Variants in PKNOX2 observed in about 807,000 individuals in gnomAD.
PKNOX2 encodes homeobox protein PKNOX2.
PKNOX2 carries 14 observed loss-of-function variants against 53.1 expected under a neutral mutation model. That is an observed-to-expected ratio of 0.26 (90% CI 0.17 to 0.41). The LOEUF is 0.41. Among genes scored for constraint, PKNOX2 ranks in the 10% least tolerant of loss-of-function variants. The pLI, the probability that PKNOX2 is intolerant of heterozygous loss-of-function variation, is 1.00. For synonymous variants in PKNOX2, 257 were observed against 242.8 expected (o/e 1.06, Z -0.54); for missense variants, 496 against 602.8 (o/e 0.82, Z 1.85).
At chr11:125,197,178 G>C (rs1268130068) in intron 1 of PKNOX2, among the ~76,000 whole-genome samples, 1 of 152,208 alleles carries the variant, frequency 6.6e-6, no homozygotes, top group Non-Finnish European at 1.5e-5. Context: ...TTGGTGTTTG[G>C]AGTAGTTGAG....
chr11:125,400,681 G>A (rs1954692276), intron 7 of PKNOX2, among the ~76,000 whole-genome samples: 1 of 152,126 alleles, frequency 6.6e-6, no homozygotes, highest in Non-Finnish European at 1.5e-5. Context: ...TAGGAACAAG[G>A]CTGCTCACCC....
intron 5 of PKNOX2, 128 bp from the exon 6 acceptor site, chr11:125,385,423 T>A: frequency 9.7e-7 from 1 of 1,034,466 alleles, no homozygotes; most frequent in East Asian, 2.7e-5. Context: ...GGACTGGGGA[T>A]GTTATCAAGG....
chr11:125,407,810 C>T (rs565308196), intron 7 of PKNOX2, among the ~76,000 whole-genome samples: 2 of 152,038 alleles, frequency 1.3e-5, no homozygotes, highest in South Asian at 2.1e-4. Flanking sequence ...AATATCAGCA[C>T]GGTTTACACA....
chr11:125,308,523 G>A lies in PKNOX2; in HGVS notation c.-129-23296G>A, dbSNP rs150260042. On this transcript the variant is annotated intron_variant, in intron 2 of 12. Transcript: ENST00000298282. ...TGATCTCTCCCAAGAGCAGCTCCCC[G>A]GAATGCAGGGCCAGATTTATTACAC... 8.9e-3 allele frequency among the ~76,000 whole-genome samples: 1,362 copies of A among 152,280 alleles called. 16 individuals are homozygous for A. Among genetic ancestry groups the A allele is most frequent in the South Asian group, 0.028 (133 of 4,818 alleles).
chr11:125,325,638 C>A (rs1484224979), intron 2 of PKNOX2, among the ~76,000 whole-genome samples: 2 of 152,182 alleles, frequency 1.3e-5, no homozygotes, highest in African/African-American at 4.8e-5. Flanking sequence ...ACGTCATTGC[C>A]AAGCCCTTTG....
chr11:125,270,274 G>T (rs77255959), intron 2 of PKNOX2, among the ~76,000 whole-genome samples: 1 of 152,144 alleles, frequency 6.6e-6, no homozygotes, highest in Non-Finnish European at 1.5e-5. Flanking sequence ...ACTGGCATCG[G>T]CATTCCTTTC....
chr11:125,379,686 C>T (rs1483902724), intron 5 of PKNOX2, among the ~76,000 whole-genome samples: 1 of 152,072 alleles, frequency 6.6e-6, no homozygotes, highest in African/African-American at 2.4e-5. Context: ...GGGCTGCAGC[C>T]AACATACTGC....
At chr11:125,189,873 A>T (rs1158084387) in intron 1 of PKNOX2, 2 of 150,788 alleles carry the variant, frequency 1.3e-5, no homozygotes, top group African/African-American at 4.9e-5. Context: ...CTTTCCCTGG[A>T]TGGTTCTGGT....
At chr11:125,405,281 A>G (rs1955018737) in intron 7 of PKNOX2, among the ~76,000 whole-genome samples, 1 of 152,248 alleles carries the variant, frequency 6.6e-6, no homozygotes, top group African/African-American at 2.4e-5. Flanking sequence ...GCTTAAACAG[A>G]AACTTTTCTG....
At chr11:125,425,679 C>A (rs1433807596) in intron 10 of PKNOX2, among the ~76,000 whole-genome samples, 1 of 152,356 alleles carries the variant, frequency 6.6e-6, no homozygotes, top group South Asian at 2.1e-4. Flanking sequence ...CCCTCCTTGG[C>A]CCCAAGCCTG....
At chr11:125,284,574 T>A (rs1946778919) in intron 2 of PKNOX2, among the ~76,000 whole-genome samples, 1 of 152,192 alleles carries the variant, frequency 6.6e-6, no homozygotes. Flanking sequence ...AAATGGTAAG[T>A]TGCTAATCAG....
intron 1 of PKNOX2, among the ~76,000 whole-genome samples, chr11:125,174,088 C>T (rs2135214985): frequency 6.6e-6 from 1 of 152,338 alleles, no homozygotes; most frequent in Middle Eastern, 3.4e-3. Flanking sequence ...GTGACCCCTC[C>T]TTCTGAGGAG....
chr11:125,290,316 T>C (rs1947228600), intron 2 of PKNOX2, among the ~76,000 whole-genome samples: 1 of 152,212 alleles, frequency 6.6e-6, no homozygotes, highest in Non-Finnish European at 1.5e-5. Flanking sequence ...TTTGATGTGA[T>C]GCAAGTTCTG....
chr11:125,320,251 T>C (rs1255818699), intron 2 of PKNOX2, among the ~76,000 whole-genome samples: 1 of 152,204 alleles, frequency 6.6e-6, no homozygotes, highest in East Asian at 1.9e-4. Flanking sequence ...AAATAAGCTA[T>C]AGCCCTTGAA....
At chr11:125,197,243 A>G in intron 1 of PKNOX2, among the ~76,000 whole-genome samples, 1 of 152,160 alleles carries the variant, frequency 6.6e-6, no homozygotes, top group East Asian at 1.9e-4. Context: ...CTGAGATGGG[A>G]GGGAGCTGAC....
intron 2 of PKNOX2, among the ~76,000 whole-genome samples, chr11:125,253,998 C>T (rs1380540167): frequency 1.3e-5 from 2 of 152,128 alleles, no homozygotes; most frequent in Admixed American, 1.3e-4. Flanking sequence ...CCGCGTCTGG[C>T]TGGATGTTTA....
chr11:125,254,989 G>A (rs893869683), intron 2 of PKNOX2, among the ~76,000 whole-genome samples: 8 of 152,134 alleles, frequency 5.3e-5, no homozygotes, highest in African/African-American at 1.4e-4. Flanking sequence ...CCACACACCC[G>A]GCATTGTGCT....
At position 125,166,564 on chromosome 11, in the gene PKNOX2, C is replaced by G. The variant is rs1954891886; in HGVS notation, c.-201+1788C>G. On this transcript the variant is annotated intron_variant, in intron 1 of 12. Transcript: ENST00000298282. This position sits in a 1 kb window ranked among gnomAD's most constrained non-coding sequence, Gnocchi z 4.0. ...CAGGAGCCACCTGGGTCTGCGGGCG[C>G]AGCGCGGCGGGGCGGGAGCGGTGGC... Among the ~76,000 whole-genome samples the G allele has an allele frequency of 6.6e-6, 1 of 152,140 alleles. No individual in the cohort carries two copies. The highest frequency in any genetic ancestry group is 1.5e-5 in the Non-Finnish European group (1 of 68,016).
At chr11:125,195,883 GCACACACACACACACACACACACA>G (rs56021315) in intron 1 of PKNOX2, among the ~76,000 whole-genome samples, 1 of 143,802 alleles carries the variant, frequency 7.0e-6, no homozygotes, top group Non-Finnish European at 1.5e-5. Context: ...ATATGTACAT[GCACACACACACACACACACACACA>G]CACACACACA....
Sources: gnomAD v4.1 joint callset for allele counts (sites outside exome capture counted in the v4.1 genomes callset) on GRCh38, gnomAD v4.1.1 for gene constraint, Gnocchi (gnomAD v3.1) non-coding constraint, MANE v1.5 for transcripts, NCBI Gene and HGNC (gene_info 2026-07-23, HGNC 2026-07-21) for gene names.